Variants in TTLL5 observed in about 807,000 individuals in gnomAD.
TTLL5 encodes the protein tubulin polyglutamylase TTLL5.
In TTLL5, 132 loss-of-function variants were observed where a neutral mutation model predicts 168.4. The ratio of observed to expected loss-of-function variants is 0.78; its 90% confidence interval spans 0.68 to 0.91. TTLL5 has a LOEUF of 0.91. Among genes scored for constraint, TTLL5 ranks in the 40% least tolerant of loss-of-function variants. The pLI is 0.00. For synonymous variants in TTLL5, 546 were observed against 558.6 expected, an observed-to-expected ratio of 0.98 and a Z score of 0.32; for missense variants, 1,545 against 1,581.5, an observed-to-expected ratio of 0.98 and a Z score of 0.39.
chr14:75,716,865 CCT>C (rs1887504666), intron 9 of TTLL5, among the ~76,000 whole-genome samples: 1 of 152,070 alleles, frequency 6.6e-6, no homozygotes, highest in Non-Finnish European at 1.5e-5. Flanking sequence ...AAATTGCTAC[CCT>C]GTTTTCAGTG....
At chr14:75,820,488 GT>G (rs531874430) in intron 28 of TTLL5, 119 of 184,114 alleles carry the variant, frequency 6.5e-4, no homozygotes, top group Middle Eastern at 1.1e-3. Flanking sequence ...TTGTCTCTTA[GT>G]TTTTTTTTTA....
At chr14:75,801,739 A>G (rs1451901561) in intron 27 of TTLL5, among the ~76,000 whole-genome samples, 2 of 152,218 alleles carry the variant, frequency 1.3e-5, no homozygotes. Context: ...TAAATAACTA[A>G]TAACATGTTA....
intron 18 of TTLL5, among the ~76,000 whole-genome samples, chr14:75,756,821 G>A (rs1055333720): frequency 6.6e-6 from 1 of 151,942 alleles, no homozygotes; most frequent in Non-Finnish European, 1.5e-5. Context: ...TTTTTTAAGA[G>A]TGTTAAATGA....
intron 31 of TTLL5, among the ~76,000 whole-genome samples, chr14:75,940,244 A>G (rs896733023): frequency 4.6e-5 from 7 of 151,796 alleles, no homozygotes; most frequent in African/African-American, 1.7e-4. Context: ...AAGCCTGGCT[A>G]ATTTTTTTGT....
chr14:75,720,831 G>A (rs1339087520), intron 12 of TTLL5, 128 bp downstream of exon 12: 1 of 768,046 alleles, frequency 1.3e-6, no homozygotes, highest in Non-Finnish European at 2.2e-6. Flanking sequence ...TTCTTTCTAA[G>A]CTCATGTAGC....
At chr14:75,709,473 A>C (rs544958981) in intron 9 of TTLL5, 1 of 393,510 alleles carries the variant, frequency 2.5e-6, no homozygotes, top group Non-Finnish European at 4.8e-6. Flanking sequence ...CCCTGGGAAC[A>C]TTGGAGACTA....
chr14:75,671,504 G>T (rs909807087), intron 3 of TTLL5, among the ~76,000 whole-genome samples: 1 of 152,130 alleles, frequency 6.6e-6, no homozygotes. Context: ...CCATCTTAAT[G>T]ATGTTTTCTA....
intron 17 of TTLL5, among the ~76,000 whole-genome samples, chr14:75,751,025 C>T (rs931959883): frequency 1.3e-5 from 2 of 152,122 alleles, no homozygotes; most frequent in Admixed American, 6.6e-5. Flanking sequence ...GTGTAACCAT[C>T]CCTTATTTGC....
intron 1 of TTLL5, among the ~76,000 whole-genome samples, chr14:75,662,038 T>C (rs1361875469): frequency 6.6e-6 from 1 of 152,218 alleles, no homozygotes; most frequent in East Asian, 1.9e-4. Flanking sequence ...AACGAACATG[T>C]ACTTTTTTAC....
intron 18 of TTLL5, among the ~76,000 whole-genome samples, chr14:75,762,212 G>A (rs1017846707): frequency 2.4e-4 from 36 of 152,084 alleles, no homozygotes; most frequent in Admixed American, 1.3e-4. Flanking sequence ...TGGCTAATAC[G>A]GTGAAACCCC....
At chr14:75,748,199 G>T (rs1426356090) in intron 17 of TTLL5, among the ~76,000 whole-genome samples, 1 of 151,548 alleles carries the variant, frequency 6.6e-6, no homozygotes, top group Non-Finnish European at 1.5e-5. Flanking sequence ...TATGGTAGGA[G>T]AGCGTGTCCT....
At chr14:75,892,697 G>C (rs1164372686) in intron 30 of TTLL5, among the ~76,000 whole-genome samples, 1 of 152,162 alleles carries the variant, frequency 6.6e-6, no homozygotes, top group East Asian at 1.9e-4. Context: ...AGGATGCAGT[G>C]TGCCCTCCTA....
At chr14:75,752,571 A>C (rs1463875295) in intron 17 of TTLL5, among the ~76,000 whole-genome samples, 1 of 151,650 alleles carries the variant, frequency 6.6e-6, no homozygotes, top group Non-Finnish European at 1.5e-5. Context: ...ATTTTTGTTA[A>C]TTTTTCTTTT....
intron 18 of TTLL5, among the ~76,000 whole-genome samples, chr14:75,758,959 T>C (rs1447603480): frequency 1.3e-5 from 2 of 152,138 alleles, no homozygotes; most frequent in African/African-American, 4.8e-5. Context: ...CTAATGTTTG[T>C]TTTAAGAAAC....
chr14:75,765,638 G>A (rs1260039447), intron 19 of TTLL5, among the ~76,000 whole-genome samples: 3 of 152,098 alleles, frequency 2.0e-5, no homozygotes, highest in Non-Finnish European at 2.9e-5. Flanking sequence ...CAAGGTGGGC[G>A]AATCGCTTGA....
chr14:75,846,023 C>A (rs1036837205), intron 28 of TTLL5, among the ~76,000 whole-genome samples: 2 of 152,188 alleles, frequency 1.3e-5, no homozygotes, highest in Admixed American at 6.5e-5. Context: ...TTACAAATAT[C>A]TTTACCCTAG....
intron 28 of TTLL5, among the ~76,000 whole-genome samples, chr14:75,840,219 A>C (rs964279004): frequency 6.6e-6 from 1 of 152,200 alleles, no homozygotes; most frequent in Non-Finnish European, 1.5e-5. Context: ...TGTGTCTTTC[A>C]GACACAGTCA....
At chr14:75,917,673 C>T (rs1020520987) in intron 31 of TTLL5, among the ~76,000 whole-genome samples, 9 of 152,228 alleles carry the variant, frequency 5.9e-5, no homozygotes, top group Non-Finnish European at 1.3e-4. Context: ...CTCTACTCCC[C>T]TGGGTGGGGG....
intron 12 of TTLL5, among the ~76,000 whole-genome samples, chr14:75,726,839 C>T (rs1301378259): frequency 6.6e-6 from 1 of 152,054 alleles, no homozygotes; most frequent in Non-Finnish European, 1.5e-5. Context: ...AGTTTTTGAG[C>T]AGGGGAGCGA....
Sources: allele counts gnomAD v4.1 joint callset (sites outside exome capture counted in the v4.1 genomes callset), GRCh38; gene constraint gnomAD v4.1.1; transcripts MANE v1.5; gene names NCBI Gene and HGNC (gene_info 2026-07-23, HGNC 2026-07-21).